The following EXOC4 variants were observed in gnomAD, a reference collection of about 807,000 sequenced individuals.
EXOC4 encodes SEC8-like 1.
Under a neutral mutation model 107.2 loss-of-function variants are expected in EXOC4, and 71 were observed. The observed-to-expected ratio is 0.66, with a 90% CI of 0.55 to 0.81. The LOEUF (loss-of-function observed/expected upper bound fraction) is 0.81, where lower values mean the gene tolerates loss of function less well. Ranked by LOEUF, EXOC4 falls within the 30% of genes least tolerant of loss-of-function variation. The pLI, the probability that EXOC4 is intolerant of heterozygous loss-of-function variation, is 0.00. For synonymous variants in EXOC4, 456 were observed against 441.2 expected (o/e 1.03, Z -0.42); for missense variants, 1,108 against 1,189.6 (o/e 0.93, Z 1.01).
intron 10 of EXOC4, among the ~76,000 whole-genome samples, chr7:133,720,534 A>G (rs1795086736): frequency 6.6e-6 from 1 of 152,186 alleles, no homozygotes; most frequent in Admixed American, 6.5e-5. Flanking sequence ...TGTTAAAGCA[A>G]ATAAAATAGT....
the EXOC4 span, among the ~76,000 whole-genome samples, chr7:134,090,004 T>C: frequency 3.9e-5 from 6 of 152,326 alleles, no homozygotes; most frequent in African/African-American, 1.4e-4. Flanking sequence ...TTGGAAGATA[T>C]TTTGATTTTA....
chr7:133,979,719 CGGAGCTT>C (rs1563079016), intron 14 of EXOC4, among the ~76,000 whole-genome samples: 1 of 151,580 alleles, frequency 6.6e-6, no homozygotes, highest in African/African-American at 2.4e-5. Flanking sequence ...ACCTGGGAGG[CGGAGCTT>C]GCAGTGAGCC....
intron 10 of EXOC4, among the ~76,000 whole-genome samples, chr7:133,651,139 T>G (rs1359080039): frequency 2.0e-5 from 3 of 152,060 alleles, no homozygotes; most frequent in East Asian, 3.9e-4. Context: ...AAGACCTCAG[T>G]GTTCTGTAAT....
intron 6 of EXOC4, among the ~76,000 whole-genome samples, chr7:133,362,177 T>C (rs1361797043): frequency 6.6e-6 from 1 of 152,204 alleles, no homozygotes; most frequent in Non-Finnish European, 1.5e-5. Context: ...GTGTCATACT[T>C]AGAGCTTCCC....
intron 3 of EXOC4, among the ~76,000 whole-genome samples, chr7:133,302,226 A>C (rs1199008110): frequency 6.6e-6 from 1 of 152,222 alleles, no homozygotes; most frequent in Non-Finnish European, 1.5e-5. Flanking sequence ...GTTCAATATC[A>C]TGTGATAAAA....
chr7:133,845,335 A>AGTGTGTGT (rs34845137), intron 11 of EXOC4, among the ~76,000 whole-genome samples: 141 of 138,028 alleles, frequency 1.0e-3, no homozygotes, highest in African/African-American at 3.2e-3. Flanking sequence ...GCAGGTTAGT[A>AGTGTGTGT]GTGTGTGTGT....
chr7:133,353,754 A>G (rs1198775295), intron 5 of EXOC4, among the ~76,000 whole-genome samples: 10 of 151,848 alleles, frequency 6.6e-5, no homozygotes, highest in Admixed American at 5.2e-4. Flanking sequence ...TTCTCCTTTC[A>G]GAGCTCCCAC....
chr7:133,400,159 A>C (rs1400335898), intron 7 of EXOC4, among the ~76,000 whole-genome samples: 1 of 152,250 alleles, frequency 6.6e-6, no homozygotes, highest in Non-Finnish European at 1.5e-5. Context: ...TAGAAATCGC[A>C]GAAGACTATT....
chr7:134,080,759 G>A, the EXOC4 span, among the ~76,000 whole-genome samples: 4 of 151,762 alleles, frequency 2.6e-5, no homozygotes, highest in South Asian at 8.4e-4. Context: ...AGGCAACATA[G>A]CAAGACCCTA....
chr7:133,633,305 T>C (rs571139393), intron 10 of EXOC4, among the ~76,000 whole-genome samples: 3 of 152,306 alleles, frequency 2.0e-5, no homozygotes, highest in East Asian at 3.9e-4. Flanking sequence ...CTCCTAATGC[T>C]CTTGAATGTG....
chr7:133,677,825 AG>A (rs1288015964), intron 10 of EXOC4, among the ~76,000 whole-genome samples: 16 of 151,978 alleles, frequency 1.1e-4, no homozygotes, highest in African/African-American at 3.9e-4. Flanking sequence ...GTTGTAACTG[AG>A]GGATTTTTAA....
chr7:133,798,885 A>T (rs1796872212), intron 10 of EXOC4, among the ~76,000 whole-genome samples: 1 of 152,224 alleles, frequency 6.6e-6, no homozygotes, highest in Admixed American at 6.5e-5. Flanking sequence ...ATAACAGAGG[A>T]CAGTAAAAGA....
At chr7:133,723,356 A>G (rs970055583) in intron 10 of EXOC4, among the ~76,000 whole-genome samples, 2 of 152,202 alleles carry the variant, frequency 1.3e-5, no homozygotes, top group African/African-American at 4.8e-5. Context: ...TCAATCTTAG[A>G]TGGAATTGGT....
At chr7:133,505,978 C>T (rs1199249136) in intron 9 of EXOC4, among the ~76,000 whole-genome samples, 1 of 152,048 alleles carries the variant, frequency 6.6e-6, no homozygotes, top group Non-Finnish European at 1.5e-5. Context: ...TGAACGATTC[C>T]TTTTTGTTAT....
intron 11 of EXOC4, among the ~76,000 whole-genome samples, chr7:133,868,637 G>T (rs574695100): frequency 1.3e-5 from 2 of 152,040 alleles, no homozygotes; most frequent in African/African-American, 4.8e-5. Flanking sequence ...TGGGGCTGTC[G>T]GGAATTCAAA....
At chr7:133,881,283 C>G (rs1357112590) in intron 11 of EXOC4, among the ~76,000 whole-genome samples, 1 of 150,496 alleles carries the variant, frequency 6.6e-6, no homozygotes, top group African/African-American at 2.4e-5. Context: ...CCCACTCCCC[C>G]ACATACCCCC....
chr7:133,481,490 A>G (rs1435704154), intron 9 of EXOC4, among the ~76,000 whole-genome samples: 3 of 152,228 alleles, frequency 2.0e-5, no homozygotes, highest in Admixed American at 6.5e-5. Flanking sequence ...CCAAAACACT[A>G]TGAAGTAACC....
At chr7:133,578,709 T>C (rs1801186987) in intron 9 of EXOC4, among the ~76,000 whole-genome samples, 1 of 152,224 alleles carries the variant, frequency 6.6e-6, no homozygotes, top group Admixed American at 6.5e-5. Flanking sequence ...AAGTTCTTAA[T>C]GTTCTTTGCA....
chr7:133,753,790 G>C (rs1257552623), intron 10 of EXOC4, among the ~76,000 whole-genome samples: 2 of 152,154 alleles, frequency 1.3e-5, no homozygotes, highest in African/African-American at 4.8e-5. Flanking sequence ...AGGGTGGGGC[G>C]AGGCTGGAGC....
Sources: gnomAD v4.1 joint callset for allele counts (sites outside exome capture counted in the v4.1 genomes callset) on GRCh38, gnomAD v4.1.1 for gene constraint, MANE v1.5 for transcripts, NCBI Gene and HGNC (gene_info 2026-07-23, HGNC 2026-07-21) for gene names.